TP63: variants seen among roughly 807,000 people sequenced by gnomAD.
TP63 encodes tumor protein p63.
TP63 carries 17 observed loss-of-function variants against 82.8 expected under a neutral mutation model. The observed-to-expected ratio is 0.21, with a 90% CI of 0.14 to 0.31. The LOEUF (loss-of-function observed/expected upper bound fraction) is 0.31, where lower values mean the gene tolerates loss of function less well. Ranked by LOEUF, TP63 falls within the 10% of genes least tolerant of loss-of-function variation. The probability of loss-of-function intolerance (pLI) is 1.00; values close to 1 mark genes in which losing one functional copy is unlikely to be tolerated. For synonymous variants in TP63, 330 were observed against 321.7 expected (o/e 1.03, Z -0.28); for missense variants, 648 against 895.3 (o/e 0.72, Z 3.52).
chr3:189,795,020 C>G (rs1445490051), intron 3 of TP63, among the ~76,000 whole-genome samples: 1 of 152,050 alleles, frequency 6.6e-6, no homozygotes, highest in African/African-American at 2.4e-5. Context: ...TTTATGCCTG[C>G]TATTCTAGCA....
intron 3 of TP63, among the ~76,000 whole-genome samples, chr3:189,771,774 T>C (rs1333074189): frequency 2.6e-5 from 4 of 152,110 alleles, no homozygotes; most frequent in Non-Finnish European, 5.9e-5. Flanking sequence ...GTCTGAGCAG[T>C]GTCTGCTAAT....
intron 1 of TP63, among the ~76,000 whole-genome samples, chr3:189,635,883 T>C (rs1385200452): frequency 6.6e-6 from 1 of 152,086 alleles, no homozygotes; most frequent in African/African-American, 2.4e-5. Context: ...AAATAATTGA[T>C]ATAGTAATTA....
intron 4 of TP63, among the ~76,000 whole-genome samples, chr3:189,856,885 A>C (rs1396744936): frequency 6.6e-6 from 1 of 152,092 alleles, no homozygotes. Flanking sequence ...TACTCTGTTT[A>C]AATGGAGAGA....
intron 1 of TP63, among the ~76,000 whole-genome samples, chr3:189,632,628 A>G (rs1729532102): frequency 6.6e-6 from 1 of 152,126 alleles, no homozygotes. Context: ...AAGGAGATAA[A>G]AAGAAAAGGG....
chr3:189,598,885 A>G, the TP63 span, among the ~76,000 whole-genome samples: 2 of 152,220 alleles, frequency 1.3e-5, no homozygotes, highest in African/African-American at 4.8e-5. Context: ...GAGGCCCCAG[A>G]GAGTCAGCTT....
chr3:189,689,104 C>CTTTTTTT (rs776704674), intron 1 of TP63, among the ~76,000 whole-genome samples: 4 of 68,284 alleles, frequency 5.9e-5, no homozygotes, highest in African/African-American at 9.7e-5. Context: ...CTACCTTTTT[C>CTTTTTTT]TTTTTTTTTT....
At chr3:189,666,340 A>G (rs966128472) in intron 1 of TP63, among the ~76,000 whole-genome samples, 5 of 152,112 alleles carry the variant, frequency 3.3e-5, no homozygotes, top group Admixed American at 6.6e-5. Context: ...ACATTCTACT[A>G]TCATTCAAAA....
In TP63 at chr3:189,728,186, A is replaced by G. The variant is rs913960069; in HGVS notation, c.63-9554A>G. 4.6e-4 allele frequency among the ~76,000 whole-genome samples: 67 copies of G among 145,476 alleles called. No individual in the cohort carries two copies. The Middle Eastern group carries it at 0.014, about 31-fold the overall frequency. ...AGTTTCGTTTATAAAAAAAAAAAAA[A>G]GGAGTAGAGATGATGAGAAATAAAG... On this transcript the variant is annotated intron_variant, in intron 1 of 13. Transcript: ENST00000264731.
chr3:189,848,142 A>G (rs1295274119), intron 4 of TP63, among the ~76,000 whole-genome samples: 2 of 152,118 alleles, frequency 1.3e-5, no homozygotes, highest in African/African-American at 2.4e-5. Context: ...TCATCGGCGA[A>G]TAAAGTGGCT....
intron 1 of TP63, among the ~76,000 whole-genome samples, chr3:189,732,272 C>G (rs1720226877): frequency 6.6e-6 from 1 of 152,148 alleles, no homozygotes. Context: ...TCCACCACCC[C>G]TGTCTTTTGT....
chr3:189,890,807 C>T lies in TP63; in HGVS notation c.1671C>T (p.Gly557=). The T allele has an allele frequency of 6.2e-7, 1 of 1,614,100 alleles. No homozygotes were observed. Among genetic ancestry groups the T allele is most frequent in the Non-Finnish European group, 8.5e-7 (1 of 1,179,986 alleles). The change falls in exon 13 of 14, where the codon GGC becomes GGT. Residue 557 remains glycine, a synonymous_variant. Transcript: ENST00000264731. ...CSIVSFLARL[G]CSSCLDYFTT... is the part of the protein sequence containing the mutation. ...TCTGCAGTTTCTTAGCGAGGTTGGG[C>T]TGTTCATCATGTCTGGACTATTTCA...
chr3:189,763,877 A>G (rs1722755305), intron 3 of TP63, among the ~76,000 whole-genome samples: 1 of 152,244 alleles, frequency 6.6e-6, no homozygotes, highest in African/African-American at 2.4e-5. Context: ...ACTTTGACAG[A>G]ATGTGCAATG....
chr3:189,878,660 G>A (rs1257745604), intron 10 of TP63, among the ~76,000 whole-genome samples: 3 of 130,114 alleles, frequency 2.3e-5, no homozygotes, highest in African/African-American at 5.8e-5. Flanking sequence ...AACCCCTGAC[G>A]TTGTGATCCC....
intron 3 of TP63, among the ~76,000 whole-genome samples, chr3:189,746,306 T>G (rs939235041): frequency 9.2e-5 from 14 of 151,906 alleles, no homozygotes; most frequent in Non-Finnish European, 1.5e-4. Flanking sequence ...AAGGATATTA[T>G]ACTCAGCAAA....
At chr3:189,785,824 T>C (rs1311162639) in intron 3 of TP63, among the ~76,000 whole-genome samples, 2 of 152,008 alleles carry the variant, frequency 1.3e-5, no homozygotes, top group Non-Finnish European at 2.9e-5. Context: ...TGAAGTTATA[T>C]AGTGAGGGAG....
chr3:189,636,041 G>T (rs541394238), intron 1 of TP63, among the ~76,000 whole-genome samples: 4 of 152,170 alleles, frequency 2.6e-5, no homozygotes, highest in Non-Finnish European at 5.9e-5. Context: ...TTTATACACA[G>T]TTGTTTATAC....
intron 1 of TP63, among the ~76,000 whole-genome samples, chr3:189,684,930 C>A (rs1281273585): frequency 2.0e-5 from 3 of 151,756 alleles, no homozygotes; most frequent in African/African-American, 7.3e-5. Context: ...CCGTGCCTGG[C>A]CAAGGATATA....
At chr3:189,882,521 A>C (rs1218706531) in intron 10 of TP63, among the ~76,000 whole-genome samples, 2 of 148,144 alleles carry the variant, frequency 1.4e-5, no homozygotes, top group Non-Finnish European at 3.0e-5. Context: ...CTCCGCCCTC[A>C]GTATCCCTTT....
chr3:189,617,918 A>G, the TP63 span, among the ~76,000 whole-genome samples: 1 of 152,188 alleles, frequency 6.6e-6, no homozygotes, highest in East Asian at 1.9e-4. Context: ...AAATTTATTT[A>G]TTATTTAGCC....
Sources: allele counts gnomAD v4.1 joint callset (sites outside exome capture counted in the v4.1 genomes callset), GRCh38; gene constraint gnomAD v4.1.1; transcripts MANE v1.5; gene names NCBI Gene and HGNC (gene_info 2026-07-23, HGNC 2026-07-21).